Variants in HEXD observed in about 807,000 individuals in gnomAD.
HEXD encodes N-acetyl-beta-galactosaminidase.
A neutral mutation model predicts 54.2 loss-of-function variants in HEXD; 47 were observed. The observed-to-expected ratio is 0.87, with a 90% CI of 0.69 to 1.11. HEXD has a LOEUF of 1.11. Ranked by LOEUF, HEXD falls within the 50% of genes least tolerant of loss-of-function variation. The probability of loss-of-function intolerance (pLI) is 0.00; values close to 1 mark genes in which losing one functional copy is unlikely to be tolerated. For synonymous variants in HEXD, 293 were observed against 287.6 expected, an observed-to-expected ratio of 1.02 and a Z score of -0.19; for missense variants, 576 against 649.2, an observed-to-expected ratio of 0.89 and a Z score of 1.23.
At chr17:82,436,021 C>T (rs1180531393) in intron 6 of HEXD, 149 bp downstream of exon 6, 42 of 784,272 alleles carry the variant, frequency 5.4e-5, no homozygotes, top group Admixed American at 1.1e-4. Context: ...ATCCCCTTGA[C>T]GCCAGGCCTG....
At position 82,433,143 on chromosome 17, in the gene HEXD, T is replaced by A. The variant is rs531180039; in HGVS notation, c.283-515T>A. 1.1e-3 allele frequency among the ~76,000 whole-genome samples: 60 copies of A among 55,396 alleles called. 2 individuals carry two copies. Among genetic ancestry groups the A allele is most frequent in the African/African-American group, 2.6e-3 (29 of 10,956 alleles). 36.3% of individuals were successfully genotyped at this position (55,396 alleles called of 152,430 possible). On this transcript the variant is annotated intron_variant, in intron 4 of 12. Coordinates refer to ENST00000327949, the MANE Select transcript of HEXD (RefSeq NM_001330542.2). ...ATATATATATATTTTTTTTTTTTTT[T>A]TATATATATATTTTTAGTCTGGGCG...
At chr17:82,433,851 G>C (rs779711351) in intron 5 of HEXD, 29 bp downstream of exon 5, 3 of 1,579,332 alleles carry the variant, frequency 1.9e-6, no homozygotes, top group Non-Finnish European at 2.6e-6. Context: ...GCTCTGTGCA[G>C]GACACTCTCC....
At position 82,441,903 on chromosome 17, in the gene HEXD, C is replaced by A; in HGVS notation, c.1253+14C>A. On this transcript the variant is annotated intron_variant, in intron 12 of 12. Transcript: ENST00000327949. ...CGCAGCGCTCAGGTGAGGCCCTGGG[C>A]TCTTATAGGCCGTGCAGCCATGGGT... The A allele has an allele frequency of 6.2e-7, 1 of 1,610,468 alleles. No homozygotes were observed. The highest frequency in any genetic ancestry group is 1.1e-5 in the South Asian group (1 of 91,040).
chr17:82,439,776 A>G, intron 9 of HEXD, 63 bp downstream of exon 9: 1 of 1,597,646 alleles, frequency 6.3e-7, no homozygotes, highest in Non-Finnish European at 8.5e-7. Context: ...GGAGGGCAGG[A>G]GGCCAAGCAC....
intron 10 of HEXD, 35 bp downstream of exon 10, chr17:82,441,110 C>T (rs1261199770): frequency 1.2e-6 from 2 of 1,613,484 alleles, no homozygotes; most frequent in Admixed American, 3.3e-5. Context: ...TCCCCTTCTT[C>T]CCCTCCCCTT....
chr17:82,439,601 C>T (rs183667667), intron 8 of HEXD, 30 bp from the exon 9 acceptor site: 26 of 1,514,292 alleles, frequency 1.7e-5, no homozygotes, highest in East Asian at 2.3e-5. Context: ...GGGCGGGCTG[C>T]GGAGCTAAGC....
At position 82,441,176 on chromosome 17, in the gene HEXD, G is replaced by T; in HGVS notation, c.1073G>T (p.Gly358Val). 6.2e-7 allele frequency: 1 copy of T among 1,613,212 alleles called. No homozygotes were observed. Among genetic ancestry groups the T allele is most frequent in the Non-Finnish European group, 8.5e-7 (1 of 1,179,976 alleles). The change falls in exon 11 of 13, where the codon GGC (glycine) becomes GTC (valine). Residue 358 changes from glycine (G) to valine (V), a missense_variant. Physicochemically the swap from Gly to Val is moderately radical, Grantham distance 109. Coordinates refer to ENST00000327949, the MANE Select transcript of HEXD (RefSeq NM_001330542.2). ...EKTDPVREGA[G>V]SFPGSNILAL... ...AGGGCTCTCCGCAGGGAGGGGGCCGGCTCCTTCCCTGGCAGCAACATCCTT... is the reference window on the plus strand; with the variant it reads ...AGGGCTCTCCGCAGGGAGGGGGCCGTCTCCTTCCCTGGCAGCAACATCCTT...
intron 7 of HEXD, 50 bp downstream of exon 7, chr17:82,436,788 A>T: frequency 6.5e-7 from 1 of 1,532,276 alleles, no homozygotes; most frequent in Non-Finnish European, 8.9e-7. Context: ...GTGCCTGGGA[A>T]GGCCATCCCT....
intron 5 of HEXD, 48 bp downstream of exon 5, chr17:82,433,870 G>A (rs748273663): frequency 4.6e-6 from 7 of 1,511,928 alleles, no homozygotes; most frequent in Non-Finnish European, 6.2e-6. Context: ...CCCCTATCAT[G>A]GCTTGTCCTT....
chr17:82,432,580 G>T (rs1190817353), intron 4 of HEXD, among the ~76,000 whole-genome samples: 6 of 151,916 alleles, frequency 3.9e-5, no homozygotes, highest in Admixed American at 2.0e-4. Flanking sequence ...ACATTTTTCT[G>T]TTTTTTTCTT....
At chr17:82,422,947 C>T (rs1359753621) in intron 2 of HEXD, among the ~76,000 whole-genome samples, 1 of 151,918 alleles carries the variant, frequency 6.6e-6, no homozygotes, top group Admixed American at 6.6e-5. Flanking sequence ...ATCTCAGCTA[C>T]TCGGGAGACT....
chr17:82,425,053 A>AGAGAAGGCTG (rs1378789922), intron 3 of HEXD, among the ~76,000 whole-genome samples: 4 of 144,404 alleles, frequency 2.8e-5, no homozygotes, highest in Non-Finnish European at 6.1e-5. Flanking sequence ...GGAGGAGGCC[A>AGAGAAGGCTG]GAGAAGGCTG....
rs2053639078 is a variant in HEXD, at chr17:82,433,094, ATAT to A, written c.283-563_283-561del. On this transcript the variant is annotated intron_variant, in intron 4 of 12. Coordinates refer to ENST00000327949, the MANE Select transcript of HEXD (RefSeq NM_001330542.2). Reference sequence around the variant, plus strand: ...AAAAAAAAGAAAAAAAAAAAAAAATATATATATATATATATATATATATATATA... The same window carrying A: ...AAAAAAAAGAAAAAAAAAAAAAAATAATATATATATATATATATATATATA... Among the ~76,000 whole-genome samples, 13 of 8,310 alleles carry A rather than the reference ATAT, an allele frequency of 1.6e-3. 1 individual carries two copies. The highest frequency in any genetic ancestry group is 7.6e-3 in the South Asian group (1 of 132). 5.5% of individuals were successfully genotyped at this position (8,310 alleles called of 152,430 possible). A position where few individuals can be genotyped will look rare whatever the true frequency, so the allele number is the denominator to read the frequency against.
In HEXD at chr17:82,419,853, A is replaced by G; in HGVS notation, c.54A>G (p.Gly18=). The change falls in exon 2 of 13, where the codon GGA becomes GGG. Residue 18 remains glycine (G), a synonymous_variant. Coordinates refer to ENST00000327949, the MANE Select transcript of HEXD (RefSeq NM_001330542.2). The part of the protein sequence containing the change: ...QMRLVHLDLK[G]APPKVSYLSE... ...GATTAGTTCATTTAGACCTTAAAGG[A>G]GCTCCACCAAAGGTCTCGTACCTCT... 6.2e-7 allele frequency: 1 copy of G among 1,611,694 alleles called. No homozygotes were observed. Among genetic ancestry groups the G allele is most frequent in the East Asian group, 2.2e-5 (1 of 44,854 alleles).
chr17:82,441,297 T>A (rs1212040478), intron 11 of HEXD, 31 bp downstream of exon 11: 1 of 1,412,362 alleles, frequency 7.1e-7, no homozygotes, highest in Admixed American at 2.3e-5. Context: ...CAGGTGTGGG[T>A]GAGGGGGGCA....
intron 2 of HEXD, among the ~76,000 whole-genome samples, chr17:82,421,180 G>C (rs2053224542): frequency 1.3e-5 from 2 of 152,156 alleles, no homozygotes; most frequent in African/African-American, 4.8e-5. Flanking sequence ...ACTTAAAGGA[G>C]GGTGCAGGGG....
intron 2 of HEXD, among the ~76,000 whole-genome samples, chr17:82,424,139 G>A (rs1032884795): frequency 2.0e-5 from 3 of 152,188 alleles, no homozygotes; most frequent in Non-Finnish European, 4.4e-5. Context: ...CTCCCAAGCT[G>A]AGCCACCAGC....
intron 6 of HEXD, among the ~76,000 whole-genome samples, chr17:82,436,462 G>A (rs1234926620): frequency 6.6e-6 from 1 of 152,246 alleles, no homozygotes; most frequent in Non-Finnish European, 1.5e-5. Context: ...AGCAGCAGTG[G>A]GAGCATGGTC....
chr17:82,442,563 G>T lies in HEXD; in HGVS notation c.*179G>T. 6.3e-7 allele frequency: 1 copy of T among 1,583,892 alleles called. No homozygotes were observed. The highest frequency in any genetic ancestry group is 8.7e-7 in the Non-Finnish European group (1 of 1,155,896). On this transcript the variant is annotated 3_prime_UTR_variant, in exon 13 of 13. Coordinates refer to ENST00000327949, the MANE Select transcript of HEXD (RefSeq NM_001330542.2). The surrounding 1 kb of genome is among the most constrained non-coding windows in gnomAD (Gnocchi z 6.8). The stretch of plus-strand genomic sequence containing the variant: ...GGGGGAGAGACTAGAAAACACAGAA[G>T]GAAGCAGCACAGGGAGACCCGCTTT...
Sources: gnomAD v4.1 joint callset for allele counts (sites outside exome capture counted in the v4.1 genomes callset) on GRCh38, gnomAD v4.1.1 for gene constraint, Gnocchi (gnomAD v3.1) non-coding constraint, MANE v1.5 for transcripts, NCBI Gene and HGNC (gene_info 2026-07-23, HGNC 2026-07-21) for gene names.